ASCC1: variants seen among roughly 807,000 people sequenced by gnomAD.
ASCC1 encodes the protein ASC-1 complex subunit P50.
A neutral mutation model predicts 46.6 loss-of-function variants in ASCC1; 35 were observed. The ratio of observed to expected loss-of-function variants is 0.75; its 90% confidence interval spans 0.57 to 0.99. The LOEUF (loss-of-function observed/expected upper bound fraction) is 0.99, where lower values mean the gene tolerates loss of function less well. Ranked by LOEUF, ASCC1 falls within the 50% of genes least tolerant of loss-of-function variation. The pLI is 0.00. For missense variants in ASCC1, 376 were observed against 428.7 expected (o/e 0.88, Z 1.09); for synonymous variants, 143 against 146.6 (o/e 0.98, Z 0.18).
chr10:72,096,444 G>A lies in ASCC1; in HGVS notation c.*890C>T, dbSNP rs929269794. 4 of 454,074 alleles carry A rather than the reference G, an allele frequency of 8.8e-6. No individual in the cohort carries two copies. Among genetic ancestry groups the A allele is most frequent in the Non-Finnish European group, 1.8e-5 (4 of 226,816 alleles). The allele number at this position is 454,074 out of a possible 1,614,324, so 28.1% of individuals were successfully genotyped here. A position where few individuals can be genotyped will look rare whatever the true frequency, so the allele number is the denominator to read the frequency against. ...CAGGGGCATGGGAAGATGAGGGTGG[G>A]GATGGGGTGAAGGAACAGGAATCCA... On this transcript the variant is annotated 3_prime_UTR_variant, in exon 10 of 10. Transcript: ENST00000672957.
chr10:72,203,627 A>ACTACTTTTCTGT, intron 3 of ASCC1, 103 bp from the exon 4 acceptor site: 1 of 865,230 alleles, frequency 1.2e-6, no homozygotes. Context: ...CCCTTACAGA[A>ACTACTTTTCTGT]AAGTAGTTCA....
chr10:72,097,175 G>C lies in ASCC1; in HGVS notation c.*159C>G, dbSNP rs535012340. The C allele has an allele frequency of 1.3e-4, 96 of 723,140 alleles. No homozygotes were observed. Among genetic ancestry groups the C allele is most frequent in the South Asian group, 1.2e-3 (89 of 72,872 alleles). The allele number at this position is 723,140 out of a possible 1,614,324, so 44.8% of individuals were successfully genotyped here. Reference sequence around the variant, plus strand: ...CCACCATCTCAGCTGGTAGTATGACGGGTGTAGACACCATTAGAGGCAATG... The same window carrying C: ...CCACCATCTCAGCTGGTAGTATGACCGGTGTAGACACCATTAGAGGCAATG... On this transcript the variant is annotated 3_prime_UTR_variant, in exon 10 of 10. Coordinates refer to ENST00000672957, the MANE Select transcript of ASCC1 (RefSeq NM_001198800.3).
chr10:72,195,149 T>A (rs1589573267), intron 5 of ASCC1, among the ~76,000 whole-genome samples: 1 of 136,642 alleles, frequency 7.3e-6, no homozygotes, highest in Non-Finnish European at 1.6e-5. Flanking sequence ...GTTTTTTTTT[T>A]TTTTTTTTTT....
In ASCC1 at chr10:72,205,357, C is replaced by T. The variant is rs546492530; in HGVS notation, c.213-1833G>A. Among the ~76,000 whole-genome samples, 10 of 152,128 alleles carry T rather than the reference C, an allele frequency of 6.6e-5. No individual in the cohort carries two copies. In the South Asian group the frequency reaches 1.9e-3, roughly 28 times the overall value. ...AGGCAAGGTGGCTCAATGCCGGGTG[C>T]GGTGGCTCACACCTGTAATCCCAGC... On this transcript the variant is annotated intron_variant, in intron 3 of 9. Coordinates refer to ENST00000672957, the MANE Select transcript of ASCC1 (RefSeq NM_001198800.3).
At chr10:72,197,758 T>C (rs1855682187) in intron 4 of ASCC1, among the ~76,000 whole-genome samples, 1 of 150,690 alleles carries the variant, frequency 6.6e-6, no homozygotes, top group South Asian at 2.1e-4. Context: ...ATACAAAAAT[T>C]AGCTGGGTGT....
intron 5 of ASCC1, among the ~76,000 whole-genome samples, chr10:72,165,445 T>C (rs1850221922): frequency 6.6e-6 from 1 of 152,228 alleles, no homozygotes; most frequent in Non-Finnish European, 1.5e-5. Flanking sequence ...CCAACAGGAA[T>C]GAAACAGGAA....
intron 9 of ASCC1, among the ~76,000 whole-genome samples, chr10:72,127,672 T>TTTTC (rs1845034641): frequency 6.7e-6 from 1 of 149,578 alleles, no homozygotes; most frequent in African/African-American, 2.5e-5. Context: ...TTCTTTTTTT[T>TTTTC]TTTTTTTCCT....
chr10:72,108,880 G>A (rs28637640), intron 9 of ASCC1, among the ~76,000 whole-genome samples: 6,820 of 152,284 alleles, frequency 0.045, 164 homozygotes, highest in South Asian at 0.066. Context: ...CAGGTACTCT[G>A]ACAGCTTACA....
In ASCC1 at chr10:72,136,920, G is replaced by A. The variant is rs530894625; in HGVS notation, c.747-3739C>T. On this transcript the variant is annotated intron_variant, in intron 7 of 9. Transcript: ENST00000672957. ...GAACCCACCGGCAGGAAGAAACTCC[G>A]GACACATCTGAACATCTGAAGGAAC... Among the ~76,000 whole-genome samples, 137 of 151,530 alleles carry A rather than the reference G, an allele frequency of 9.0e-4. No homozygotes were observed. In the Middle Eastern group the frequency reaches 0.01, roughly 11 times the overall value.
At position 72,110,573 on chromosome 10, in the gene ASCC1, G is replaced by C. The variant is rs1842816698; in HGVS notation, c.958-13123C>G. On this transcript the variant is annotated intron_variant, in intron 9 of 9. Transcript: ENST00000672957. ...GGAGGCCGAGGTGGGTGGATCATGA[G>C]GTCAGGAGTTCGAGACCAGCCTAAC... Among the ~76,000 whole-genome samples the C allele has an allele frequency of 2.0e-5, 3 of 151,982 alleles. No individual in the cohort carries two copies. The South Asian group carries it at 6.2e-4, about 31-fold the overall frequency.
Position 72,131,669 on chromosome 10 carries a change from T to G in ASCC1, c.871+1388A>C, listed in dbSNP as rs144435262. On this transcript the variant is annotated intron_variant, in intron 8 of 9. Coordinates refer to ENST00000672957, the MANE Select transcript of ASCC1 (RefSeq NM_001198800.3). ...TAGTATTTTAGAACTAATAACTAGA[T>G]AGCTACAAATTTCTTGGTCCTACCA... Among the ~76,000 whole-genome samples, 389 of 152,312 alleles carry G rather than the reference T, an allele frequency of 2.6e-3. 3 individuals are homozygous for G. Among genetic ancestry groups the G allele is most frequent in the African/African-American group, 8.3e-3 (347 of 41,572 alleles).
At chr10:72,213,574 C>CG in intron 1 of ASCC1, among the ~76,000 whole-genome samples, 1 of 146,786 alleles carries the variant, frequency 6.8e-6, no homozygotes, top group African/African-American at 2.5e-5. Context: ...ACCCCCCCCC[C>CG]AAAAATGATT....
intron 5 of ASCC1, among the ~76,000 whole-genome samples, chr10:72,194,159 C>T (rs565531103): frequency 5.9e-5 from 9 of 151,970 alleles, no homozygotes; most frequent in Non-Finnish European, 1.0e-4. Flanking sequence ...GCTGGGATTA[C>T]GGGCATGAGC....
At chr10:72,117,263 A>G (rs1217335291) in intron 9 of ASCC1, among the ~76,000 whole-genome samples, 1 of 152,156 alleles carries the variant, frequency 6.6e-6, no homozygotes, top group Non-Finnish European at 1.5e-5. Flanking sequence ...CTTATGTCTA[A>G]TCATCTTTGA....
intron 5 of ASCC1, among the ~76,000 whole-genome samples, chr10:72,185,958 T>C (rs1157865056): frequency 6.6e-6 from 1 of 152,138 alleles, no homozygotes; most frequent in Admixed American, 6.6e-5. Flanking sequence ...AAGATGCATG[T>C]ACAGATGCTC....
At chr10:72,161,785 C>A in intron 5 of ASCC1, 111 bp from the exon 6 acceptor site, 1 of 1,274,150 alleles carries the variant, frequency 7.8e-7, no homozygotes, top group Admixed American at 1.8e-5. Context: ...AGTGATTTTC[C>A]ACAAGGTGCC....
Position 72,100,273 on chromosome 10 carries a change from G to A in ASCC1, c.958-2823C>T, listed in dbSNP as rs541448436. On this transcript the variant is annotated intron_variant, in intron 9 of 9. Transcript: ENST00000672957. Reference sequence around the variant, plus strand: ...GGACTCTCTCTCTCTCTGTCACCCCGGCTGGAGTGCAGTGGCGCGATCTCA... The same window carrying A: ...GGACTCTCTCTCTCTCTGTCACCCCAGCTGGAGTGCAGTGGCGCGATCTCA... 1.1e-3 allele frequency among the ~76,000 whole-genome samples: 171 copies of A among 150,576 alleles called. 1 individual carries two copies. The highest frequency in any genetic ancestry group is 3.9e-3 in the African/African-American group (161 of 40,802).
rs111354116 is a variant in ASCC1 at position 72,155,113 on chromosome 10, C to T, written c.627-2125G>A. Among the ~76,000 whole-genome samples the T allele has an allele frequency of 9.7e-3, 1,471 of 152,118 alleles. 19 individuals carry two copies. The highest frequency in any genetic ancestry group is 0.034 in the African/African-American group (1,399 of 41,504). ...AAAAAATATGTTATATATATTTGTT[C>T]ATACATCTATAAAATCCCTGGAAGG... On this transcript the variant is annotated intron_variant, in intron 6 of 9. Coordinates refer to ENST00000672957, the MANE Select transcript of ASCC1 (RefSeq NM_001198800.3).
intron 5 of ASCC1, among the ~76,000 whole-genome samples, chr10:72,166,991 T>TTTACAAA (rs1564682920): frequency 6.6e-6 from 1 of 152,146 alleles, no homozygotes; most frequent in Admixed American, 6.6e-5. Context: ...AAATATAAAT[T>TTTACAAA]TGTAAAACAG....
Sources: gnomAD v4.1 joint callset for allele counts (sites outside exome capture counted in the v4.1 genomes callset) on GRCh38, gnomAD v4.1.1 for gene constraint, MANE v1.5 for transcripts, NCBI Gene and HGNC (gene_info 2026-07-23, HGNC 2026-07-21) for gene names.